Variants in RGS6 observed in about 807,000 individuals in gnomAD.
RGS6 encodes the protein regulator of G protein signaling 6.
A neutral mutation model predicts 78.5 loss-of-function variants in RGS6; 30 were observed. The ratio of observed to expected loss-of-function variants is 0.38; its 90% CI spans 0.29 to 0.52. RGS6 has a LOEUF of 0.52. Ranked by LOEUF, RGS6 falls within the 20% of genes least tolerant of loss-of-function variation. The pLI, the probability that RGS6 is intolerant of heterozygous loss-of-function variation, is 0.85. For missense variants in RGS6, 495 were observed against 609.7 expected (o/e 0.81, Z 1.98); for synonymous variants, 206 against 206.0 (o/e 1.00, Z 0.00).
chr14:71,902,233 C>T, the RGS6 span, among the ~76,000 whole-genome samples: 8 of 152,158 alleles, frequency 5.3e-5, no homozygotes, highest in Non-Finnish European at 8.8e-5. Flanking sequence ...AAAATATAAG[C>T]GATTCAGCTA....
At chr14:72,247,914 T>C (rs1216314399) in intron 2 of RGS6, among the ~76,000 whole-genome samples, 1 of 152,158 alleles carries the variant, frequency 6.6e-6, no homozygotes, top group Non-Finnish European at 1.5e-5. Context: ...CTATAAGAAA[T>C]AAATCTCTGT....
the RGS6 span, among the ~76,000 whole-genome samples, chr14:71,905,503 T>G: frequency 6.6e-6 from 1 of 152,172 alleles, no homozygotes; most frequent in Admixed American, 6.5e-5. Context: ...TTTTCTCTTT[T>G]TTTTTGAGAC....
chr14:72,596,174 C>T, the RGS6 span, among the ~76,000 whole-genome samples: 1,104 of 152,332 alleles, frequency 7.2e-3, 13 homozygotes, highest in Middle Eastern at 0.085. Context: ...GGCTGCATTC[C>T]TTTCAGGCTC....
At chr14:72,122,625 C>T (rs908551249) in intron 2 of RGS6, among the ~76,000 whole-genome samples, 1 of 152,026 alleles carries the variant, frequency 6.6e-6, no homozygotes, top group Non-Finnish European at 1.5e-5. Context: ...AATTTTGGTC[C>T]AGGGCTTAGA....
Position 72,159,465 on chromosome 14 carries a change from G to T in RGS6, c.85-192630G>T, listed in dbSNP as rs142643330. Reference sequence around the variant, plus strand: ...CAGAACTTTGCCTCTTGGCCTCTCAGTCAATTGTGATCTGACTGACATCCA... The same window carrying T: ...CAGAACTTTGCCTCTTGGCCTCTCATTCAATTGTGATCTGACTGACATCCA... On this transcript the variant is annotated intron_variant, in intron 2 of 17. Transcript: ENST00000553525. Among the ~76,000 whole-genome samples the T allele has an allele frequency of 6.7e-4, 102 of 152,318 alleles. 2 individuals are homozygous for T. The highest frequency in any genetic ancestry group is 6.8e-3 in the Middle Eastern group (2 of 294).
chr14:72,149,532 T>G (rs1350302279), intron 2 of RGS6, among the ~76,000 whole-genome samples: 3 of 152,098 alleles, frequency 2.0e-5, no homozygotes, highest in East Asian at 3.9e-4. Flanking sequence ...TATGAAGGGT[T>G]ATGAACAGTG....
chr14:72,145,482 T>G (rs2096595862), intron 2 of RGS6, among the ~76,000 whole-genome samples: 1 of 152,124 alleles, frequency 6.6e-6, no homozygotes, highest in South Asian at 2.1e-4. Context: ...CAGTTAAAAT[T>G]TTGTAAAGGT....
At chr14:72,181,691 A>G (rs893859367) in intron 2 of RGS6, among the ~76,000 whole-genome samples, 9 of 152,218 alleles carry the variant, frequency 5.9e-5, no homozygotes, top group African/African-American at 2.2e-4. Flanking sequence ...TACCTTGATG[A>G]TATGGTAAAA....
chr14:72,253,088 A>T (rs566650566), intron 2 of RGS6, among the ~76,000 whole-genome samples: 22 of 152,190 alleles, frequency 1.4e-4, no homozygotes, highest in African/African-American at 5.1e-4. Context: ...TCTCTATCCA[A>T]TGGTGCCAGG....
chr14:72,210,675 T>G (rs1321434065), intron 2 of RGS6, among the ~76,000 whole-genome samples: 1 of 152,182 alleles, frequency 6.6e-6, no homozygotes, highest in Non-Finnish European at 1.5e-5. Context: ...ACAGTGCAAA[T>G]CCTTTTGGAA....
rs1041758099 is a variant in RGS6 at position 72,297,411 on chromosome 14, T to C, written c.85-54684T>C. On this transcript the variant is annotated intron_variant, in intron 2 of 17. Transcript: ENST00000553525. ...AGTTTTCTAATCCTTAAACATGGTA[T>C]ATATTATTATTATTATTATTTTTTT... Among the ~76,000 whole-genome samples, 10 of 147,130 alleles carry C rather than the reference T, an allele frequency of 6.8e-5. No individual in the cohort carries two copies. The East Asian group carries it at 2.0e-3, about 29-fold the overall frequency.
chr14:72,552,426 G>A (rs963086403), intron 17 of RGS6, among the ~76,000 whole-genome samples: 6 of 152,332 alleles, frequency 3.9e-5, no homozygotes, highest in East Asian at 3.9e-4. Context: ...AATGGTGCAC[G>A]TGTTGTGGGG....
At chr14:72,524,928 C>T (rs529056088) in intron 15 of RGS6, among the ~76,000 whole-genome samples, 3 of 152,344 alleles carry the variant, frequency 2.0e-5, no homozygotes, top group South Asian at 2.1e-4. Flanking sequence ...CCTTCCTACT[C>T]GTCCCAGCCC....
chr14:71,991,150 T>C (rs2094938508), intron 2 of RGS6, among the ~76,000 whole-genome samples: 1 of 152,268 alleles, frequency 6.6e-6, no homozygotes, highest in South Asian at 2.1e-4. Context: ...CCTTTATCTT[T>C]CTCAGATGAG....
At chr14:72,207,556 T>C (rs1450860787) in intron 2 of RGS6, among the ~76,000 whole-genome samples, 1 of 152,238 alleles carries the variant, frequency 6.6e-6, no homozygotes, top group Non-Finnish European at 1.5e-5. Context: ...TTAGATAGAT[T>C]GCAAGGCCCC....
chr14:72,543,589 A>G (rs740079), intron 17 of RGS6, among the ~76,000 whole-genome samples: 4,397 of 152,292 alleles, frequency 0.029, 106 homozygotes, highest in Non-Finnish European at 0.048. Flanking sequence ...AGTCTCAGGC[A>G]TTACTGACCA....
intron 11 of RGS6, 120 bp from the exon 12 acceptor site, chr14:72,478,148 A>G: frequency 1.5e-6 from 1 of 680,270 alleles, no homozygotes; most frequent in Non-Finnish European, 2.7e-6. Context: ...AGGGAGTTGG[A>G]GATGTCTGGC....
At chr14:72,019,093 G>A (rs1341430577) in intron 2 of RGS6, among the ~76,000 whole-genome samples, 7 of 152,108 alleles carry the variant, frequency 4.6e-5, no homozygotes, top group Non-Finnish European at 1.0e-4. Context: ...AGCACGTGAA[G>A]TCCTTTGATA....
At chr14:72,160,727 G>A (rs1235810014) in intron 2 of RGS6, among the ~76,000 whole-genome samples, 6 of 152,160 alleles carry the variant, frequency 3.9e-5, no homozygotes, top group Non-Finnish European at 5.9e-5. Context: ...AAGAACATGT[G>A]AAGACATTTA....
Sources: allele counts gnomAD v4.1 joint callset (sites outside exome capture counted in the v4.1 genomes callset), GRCh38; gene constraint gnomAD v4.1.1; transcripts MANE v1.5; gene names NCBI Gene and HGNC (gene_info 2026-07-23, HGNC 2026-07-21).